Variants in CPLX4 observed in about 807,000 individuals in gnomAD.
The protein encoded by CPLX4 is complexin 4, also known as complexin-4.
In CPLX4, 17 loss-of-function variants were observed where a neutral mutation model predicts 16.1. The observed-to-expected ratio is 1.06, with a 90% CI of 0.72 to 1.59. CPLX4 has a LOEUF of 1.59. CPLX4 is among the 40% of genes most tolerant of loss of function. The pLI, the probability that CPLX4 is intolerant of heterozygous loss-of-function variation, is 0.00. For missense variants in CPLX4, 193 were observed against 192.9 expected (o/e 1.00, Z 0.00); for synonymous variants, 55 against 57.8 (o/e 0.95, Z 0.22).
chr18:59,309,013 T>C (rs1166838755), intron 2 of CPLX4, among the ~76,000 whole-genome samples: 1 of 152,230 alleles, frequency 6.6e-6, no homozygotes, highest in Non-Finnish European at 1.5e-5. Context: ...CTGGACTAAG[T>C]GGAATACGAT....
chr18:59,312,011 C>T (rs559062978), intron 2 of CPLX4, among the ~76,000 whole-genome samples: 1 of 152,248 alleles, frequency 6.6e-6, no homozygotes, highest in East Asian at 1.9e-4. Flanking sequence ...AAATCAGGAC[C>T]GTGGGCTCTA....
At chr18:59,317,315 A>G (rs1045075084) in intron 1 of CPLX4, among the ~76,000 whole-genome samples, 1 of 152,138 alleles carries the variant, frequency 6.6e-6, no homozygotes, top group Non-Finnish European at 1.5e-5. Flanking sequence ...ACATATGATA[A>G]ACATTTAACC....
Position 59,296,606 on chromosome 18 carries a change from A to ACTAC in CPLX4, c.*88_*91dup, listed in dbSNP as rs1241017913. The stretch of plus-strand genomic sequence containing the variant: ...CATCGTGGTTTTCCTAACTGTGTTC[A>ACTAC]CTACATTAAAACATGTACTGCTTGA... On this transcript the variant is annotated 3_prime_UTR_variant, in exon 3 of 3. Coordinates refer to ENST00000299721, the MANE Select transcript of CPLX4 (RefSeq NM_181654.4). The ACTAC allele has an allele frequency of 5.4e-5, 75 of 1,386,920 alleles. No homozygotes were observed. Among genetic ancestry groups the ACTAC allele is most frequent in the Non-Finnish European group, 7.3e-5 (74 of 1,008,046 alleles). The allele number at this position is 1,386,920 out of a possible 1,614,324, so 85.9% of individuals were successfully genotyped here. A position where few individuals can be genotyped will look rare whatever the true frequency, so the allele number is the denominator to read the frequency against.
At chr18:59,318,229 C>A in intron 1 of CPLX4, 67 bp downstream of exon 1, 1 of 1,485,274 alleles carries the variant, frequency 6.7e-7, no homozygotes, top group Non-Finnish European at 8.9e-7. Context: ...AACTGGAGAA[C>A]TGAAGAAGGT....
chr18:59,305,211 G>A (rs1365194467), intron 2 of CPLX4, among the ~76,000 whole-genome samples: 1 of 152,058 alleles, frequency 6.6e-6, no homozygotes, highest in Non-Finnish European at 1.5e-5. Flanking sequence ...AGAAAGCAAA[G>A]GCCACAGGGA....
chr18:59,308,509 TC>T lies in CPLX4; in HGVS notation c.255+4175del, dbSNP rs1215133520. 1.0e-4 allele frequency among the ~76,000 whole-genome samples: 15 copies of T among 149,392 alleles called. No homozygotes were observed. In the South Asian group the frequency reaches 3.0e-3, roughly 30 times the overall value. ...TTCTTTCTTTGTTGTTGTTTTGTTT[TC>T]CCCCCCATCCCATCCAATGACCTAT... On this transcript the variant is annotated intron_variant, in intron 2 of 2. Transcript: ENST00000299721.
At chr18:59,308,998 G>T (rs1298378426) in intron 2 of CPLX4, among the ~76,000 whole-genome samples, 1 of 152,246 alleles carries the variant, frequency 6.6e-6, no homozygotes, top group African/African-American at 2.4e-5. Flanking sequence ...CACAGCTGGT[G>T]ATAACTGGAC....
At position 59,296,518 on chromosome 18, in the gene CPLX4, G is replaced by T; in HGVS notation, c.*180C>A. ...AAGGAAAGTAAGGTTCCCGCTGCAA[G>T]GTGTTAGCTAAATGCTCTGCCAGGA... On this transcript the variant is annotated 3_prime_UTR_variant, in exon 3 of 3. Coordinates refer to ENST00000299721, the MANE Select transcript of CPLX4 (RefSeq NM_181654.4). 1.5e-6 allele frequency: 1 copy of T among 652,650 alleles called. No individual in the cohort carries two copies. 40.4% of individuals were successfully genotyped at this position (652,650 alleles called of 1,614,324 possible). A position where few individuals can be genotyped will look rare whatever the true frequency, so the allele number is the denominator to read the frequency against.
chr18:59,317,909 A>AG (rs2070661767), intron 1 of CPLX4, among the ~76,000 whole-genome samples: 1 of 151,306 alleles, frequency 6.6e-6, no homozygotes, highest in African/African-American at 2.4e-5. Flanking sequence ...CTGAATTCTT[A>AG]CAATTTGAAG....
intron 1 of CPLX4, among the ~76,000 whole-genome samples, chr18:59,317,823 T>G (rs991526925): frequency 6.6e-6 from 1 of 151,662 alleles, no homozygotes; most frequent in East Asian, 1.9e-4. Flanking sequence ...TTCCTGGGTT[T>G]TTTTTTTTTT....
chr18:59,313,191 C>T (rs1357082131), intron 1 of CPLX4, among the ~76,000 whole-genome samples: 1 of 152,146 alleles, frequency 6.6e-6, no homozygotes, highest in Non-Finnish European at 1.5e-5. Flanking sequence ...ACATTTTTAG[C>T]AAGCTCCCCG....
rs1016116001 is a variant in CPLX4 at position 59,312,903 on chromosome 18, G to A, written c.168-131C>T. On this transcript the variant is annotated intron_variant, in intron 1 of 2. Transcript: ENST00000299721. ...GCTGGCAGACACTTGGGAACTATGG[G>A]ATTTTTTTCCTAGGTCCCCAAACGT... is the stretch of plus-strand genomic sequence containing the variant. 13 of 510,514 alleles carry A rather than the reference G, an allele frequency of 2.5e-5. No individual in the cohort carries two copies. In the South Asian group the frequency reaches 4.5e-4, roughly 18 times the overall value. 31.6% of individuals were successfully genotyped at this position (510,514 alleles called of 1,614,324 possible). A position where few individuals can be genotyped will look rare whatever the true frequency, so the allele number is the denominator to read the frequency against.
intron 2 of CPLX4, 70 bp downstream of exon 2, chr18:59,312,615 T>G (rs924228994): frequency 2.9e-6 from 2 of 700,718 alleles, no homozygotes; most frequent in Middle Eastern, 2.6e-4. Flanking sequence ...TGATCCTTTG[T>G]GGATAATCAA....
chr18:59,310,947 CGTGTGTGTGTGTGT>C lies in CPLX4; in HGVS notation c.255+1724_255+1737del, dbSNP rs56041362. ...TCTGGACGATGCACACCCAGCCAAT[CGTGTGTGTGTGTGT>C]GTGTGTGTGTGTGTGTGTGTGTGTG... On this transcript the variant is annotated intron_variant, in intron 2 of 2. Coordinates refer to ENST00000299721, the MANE Select transcript of CPLX4 (RefSeq NM_181654.4). Among the ~76,000 whole-genome samples the C allele has an allele frequency of 2.1e-3, 298 of 143,642 alleles. 1 individual carries two copies. Among genetic ancestry groups the C allele is most frequent in the African/African-American group, 4.1e-3 (160 of 38,786 alleles). The allele number at this position is 143,642 out of a possible 152,430, so 94.2% of individuals were successfully genotyped here.
intron 2 of CPLX4, 81 bp downstream of exon 2, chr18:59,312,604 A>T (rs1364888179): frequency 6.9e-6 from 4 of 578,970 alleles, no homozygotes; most frequent in East Asian, 6.4e-5. Context: ...ATTCAGGAAC[A>T]TGATCCTTTG....
chr18:59,296,104 A>G lies in CPLX4; in HGVS notation c.*594T>C, dbSNP rs1001110224. ...CTGCCTCAATTCGTCATTGTTCACCACATCTGTGCTACCGCCACTTGGCTG... is the reference window on the plus strand; with the variant it reads ...CTGCCTCAATTCGTCATTGTTCACCGCATCTGTGCTACCGCCACTTGGCTG... On this transcript the variant is annotated 3_prime_UTR_variant, in exon 3 of 3. Transcript: ENST00000299721. 6.5e-6 allele frequency: 1 copy of G among 153,210 alleles called. No individual in the cohort carries two copies. The highest frequency in any genetic ancestry group is 2.1e-4 in the South Asian group (1 of 4,868). The allele number at this position is 153,210 out of a possible 1,614,324, so 9.5% of individuals were successfully genotyped here. A position where few individuals can be genotyped will look rare whatever the true frequency, so the allele number is the denominator to read the frequency against.
chr18:59,311,758 A>G (rs2070618359), intron 2 of CPLX4, among the ~76,000 whole-genome samples: 1 of 152,166 alleles, frequency 6.6e-6, no homozygotes, highest in African/African-American at 2.4e-5. Flanking sequence ...TAGCAAAGTG[A>G]TGGGCCCTCT....
intron 2 of CPLX4, among the ~76,000 whole-genome samples, chr18:59,309,154 C>T (rs949214571): frequency 1.3e-5 from 2 of 152,222 alleles, no homozygotes; most frequent in Admixed American, 6.5e-5. Flanking sequence ...GCTAGCTACA[C>T]GGGATTAGAA....
At chr18:59,317,347 TTAAC>T (rs1161858730) in intron 1 of CPLX4, among the ~76,000 whole-genome samples, 6 of 152,186 alleles carry the variant, frequency 3.9e-5, no homozygotes, top group African/African-American at 1.4e-4. Context: ...GTTTCATTTC[TTAAC>T]TGATTATTAA....
Sources: allele counts gnomAD v4.1 joint callset (sites outside exome capture counted in the v4.1 genomes callset), GRCh38; gene constraint gnomAD v4.1.1; transcripts MANE v1.5; gene names NCBI Gene and HGNC (gene_info 2026-07-23, HGNC 2026-07-21).